The following ACTR1A variants were observed in gnomAD, a reference collection of about 807,000 sequenced individuals.
ACTR1A encodes the protein actin related protein 1A, also known as alpha-centractin.
ACTR1A carries 10 observed loss-of-function variants against 50.7 expected under a neutral mutation model. That is an observed-to-expected ratio of 0.20 (90% CI 0.12 to 0.33). The LOEUF is 0.33. Ranked by LOEUF, ACTR1A falls within the 10% of genes least tolerant of loss-of-function variation. The pLI, the probability that ACTR1A is intolerant of heterozygous loss-of-function variation, is 1.00. For synonymous variants in ACTR1A, 177 were observed against 184.2 expected, an observed-to-expected ratio of 0.96 and a Z score of 0.32; for missense variants, 253 against 491.7, an observed-to-expected ratio of 0.51 and a Z score of 4.59.
intron 1 of ACTR1A, among the ~76,000 whole-genome samples, chr10:102,491,250 G>C (rs2062190285): frequency 6.6e-6 from 1 of 152,180 alleles, no homozygotes; most frequent in African/African-American, 2.4e-5. Flanking sequence ...GTACCTAGAA[G>C]CATCAAAGCA....
rs1458247508 is a variant in ACTR1A, at chr10:102,490,624, A to G, written c.49-11T>C. 1 of 1,604,824 alleles carries G rather than the reference A, an allele frequency of 6.2e-7. No homozygotes were observed. Among genetic ancestry groups the G allele is most frequent in the African/African-American group, 1.3e-5 (1 of 74,784 alleles). The stretch of plus-strand genomic sequence containing the variant: ...AATCACACCGGATCCCTGAGGAAAG[A>G]GGAGAGAGAATGAGGAGTCAGAACT... On this transcript the variant is annotated splice_polypyrimidine_tract_variant and intron_variant, in intron 1 of 10. Coordinates refer to ENST00000369905, the MANE Select transcript of ACTR1A (RefSeq NM_005736.4).
chr10:102,489,159 G>A, intron 2 of ACTR1A, 21 bp from the exon 3 acceptor site: 3 of 1,525,878 alleles, frequency 2.0e-6, no homozygotes, highest in Non-Finnish European at 1.8e-6. Flanking sequence ...CAGTGAGGAG[G>A]ACCATCATTT....
At chr10:102,501,321 C>T (rs1409042800) in intron 1 of ACTR1A, among the ~76,000 whole-genome samples, 1 of 152,146 alleles carries the variant, frequency 6.6e-6, no homozygotes, top group Non-Finnish European at 1.5e-5. Flanking sequence ...GATAGTAATT[C>T]CTATCTACCT....
rs2062179381 is a variant in ACTR1A, at chr10:102,488,568, G to A, written c.190-293C>T. 6.6e-6 allele frequency among the ~76,000 whole-genome samples: 1 copy of A among 152,210 alleles called. No individual in the cohort carries two copies. The highest frequency in any genetic ancestry group is 6.5e-5 in the Admixed American group (1 of 15,280). ...GCAGGAGGCATCTTCCTCATTGCCT[G>A]GTTCCAGGACACAATCTCCTGGCTC... On this transcript the variant is annotated intron_variant, in intron 3 of 10. Coordinates refer to ENST00000369905, the MANE Select transcript of ACTR1A (RefSeq NM_005736.4). This position sits in a 1 kb window ranked among gnomAD's most constrained non-coding sequence, Gnocchi z 4.4.
At chr10:102,481,303 G>T in intron 9 of ACTR1A, 131 bp from the exon 10 acceptor site, 1 of 987,888 alleles carries the variant, frequency 1.0e-6, no homozygotes, top group Non-Finnish European at 1.4e-6. Context: ...TCTCTGGAGG[G>T]CACTGTGGCC....
intron 1 of ACTR1A, among the ~76,000 whole-genome samples, chr10:102,492,060 G>A (rs1342698713): frequency 1.6e-5 from 2 of 123,468 alleles, no homozygotes; most frequent in South Asian, 2.6e-4. Flanking sequence ...TGAGCCCACC[G>A]TGCCCGGCCT....
chr10:102,492,272 TG>T (rs1300212704), intron 1 of ACTR1A, among the ~76,000 whole-genome samples: 1 of 151,716 alleles, frequency 6.6e-6, no homozygotes, highest in African/African-American at 2.4e-5. Flanking sequence ...GGGTTCACCG[TG>T]TTGGTCAGGC....
chr10:102,501,408 CAG>C (rs1397106706), intron 1 of ACTR1A, among the ~76,000 whole-genome samples: 5 of 152,188 alleles, frequency 3.3e-5, no homozygotes, highest in Non-Finnish European at 5.9e-5. Context: ...GGGAATCTGA[CAG>C]AGTCAGCTTA....
chr10:102,492,144 C>CACTGCA (rs1252457757), intron 1 of ACTR1A, among the ~76,000 whole-genome samples: 2 of 142,940 alleles, frequency 1.4e-5, no homozygotes, highest in East Asian at 4.2e-4. Flanking sequence ...AATCTCAGCT[C>CACTGCA]ACTGCAACCT....
Position 102,480,114 on chromosome 10 carries a change from A to C in ACTR1A, c.*749T>G, listed in dbSNP as rs1380299752. The C allele has an allele frequency of 5.6e-5, 9 of 159,806 alleles. No individual in the cohort carries two copies. Among genetic ancestry groups the C allele is most frequent in the Non-Finnish European group, 1.1e-4 (8 of 72,152 alleles). The allele number at this position is 159,806 out of a possible 1,614,324, so 9.9% of individuals were successfully genotyped here. The stretch of plus-strand genomic sequence containing the variant: ...TAAAACGGTTTGAAGATGGCATTGC[A>C]ACAAGAACAGATGGAAAGCGAGGTC... On this transcript the variant is annotated 3_prime_UTR_variant, in exon 11 of 11. Coordinates refer to ENST00000369905, the MANE Select transcript of ACTR1A (RefSeq NM_005736.4).
Position 102,479,719 on chromosome 10 carries a change from A to T in ACTR1A, c.*1144T>A. Reference sequence around the variant, plus strand: ...TCCCCTGGTCAGCTACAGTGGCAAAAGGCAACTTGGTAAATTGCAGCTTTC... The same window carrying T: ...TCCCCTGGTCAGCTACAGTGGCAAATGGCAACTTGGTAAATTGCAGCTTTC... On this transcript the variant is annotated 3_prime_UTR_variant, in exon 11 of 11. Coordinates refer to ENST00000369905, the MANE Select transcript of ACTR1A (RefSeq NM_005736.4). The surrounding 1 kb of genome is among the most constrained non-coding windows in gnomAD (Gnocchi z 4.0). 7.8e-7 allele frequency: 1 copy of T among 1,276,946 alleles called. No individual in the cohort carries two copies. The highest frequency in any genetic ancestry group is 1.5e-5 in the African/African-American group (1 of 65,682). The allele number at this position is 1,276,946 out of a possible 1,614,324, so 79.1% of individuals were successfully genotyped here.
rs763682754 is a variant in ACTR1A, at chr10:102,482,983, G to A, written c.750+28C>T. On this transcript the variant is annotated intron_variant, in intron 7 of 10. Coordinates refer to ENST00000369905, the MANE Select transcript of ACTR1A (RefSeq NM_005736.4). The surrounding 1 kb of genome is among the most constrained non-coding windows in gnomAD (Gnocchi z 5.6). Reference sequence around the variant, plus strand: ...CCCAGAGCTTTTGTGGACCTAAGGGGACCGAAGAAAGAAGGCAGGCCACCT... The same window carrying A: ...CCCAGAGCTTTTGTGGACCTAAGGGAACCGAAGAAAGAAGGCAGGCCACCT... The A allele has an allele frequency of 1.9e-6, 3 of 1,573,754 alleles. No individual in the cohort carries two copies. The highest frequency in any genetic ancestry group is 1.7e-6 in the Non-Finnish European group (2 of 1,143,526).
chr10:102,493,412 G>C (rs1462276889), intron 1 of ACTR1A, among the ~76,000 whole-genome samples: 2 of 152,166 alleles, frequency 1.3e-5, no homozygotes, highest in Non-Finnish European at 2.9e-5. Context: ...TTCAGACCCT[G>C]GATATTTTTA....
At chr10:102,489,205 A>C (rs2062181529) in intron 2 of ACTR1A, 67 bp from the exon 3 acceptor site, 1 of 1,131,990 alleles carries the variant, frequency 8.8e-7, no homozygotes. Context: ...GGATGTATAG[A>C]TGTACATACA....
In ACTR1A at chr10:102,482,681, C is replaced by G. The variant is rs539892662; in HGVS notation, c.750+330G>C. 8 of 334,216 alleles carry G rather than the reference C, an allele frequency of 2.4e-5. No individual in the cohort carries two copies. The highest frequency in any genetic ancestry group is 4.5e-5 in the Non-Finnish European group (8 of 179,436). The allele number at this position is 334,216 out of a possible 1,614,324, so 20.7% of individuals were successfully genotyped here. On this transcript the variant is annotated intron_variant, in intron 7 of 10. Transcript: ENST00000369905. The surrounding 1 kb of genome is among the most constrained non-coding windows in gnomAD (Gnocchi z 5.6). ...GCTGCTCCAGAGAGAGGGTGTAAGGCTGGGGTGTCCAGTCTTTTGGCTTCC... is the reference window on the plus strand; with the variant it reads ...GCTGCTCCAGAGAGAGGGTGTAAGGGTGGGGTGTCCAGTCTTTTGGCTTCC...
chr10:102,485,519 TACTCTGA>T, intron 5 of ACTR1A, 83 bp downstream of exon 5: 1 of 1,550,810 alleles, frequency 6.4e-7, no homozygotes, highest in South Asian at 1.1e-5. Flanking sequence ...GGGCTCAAGT[TACTCTGA>T]ACCATTCCAG....
At position 102,479,790 on chromosome 10, in the gene ACTR1A, G is replaced by A; in HGVS notation, c.*1073C>T. 1 of 810,364 alleles carries A rather than the reference G, an allele frequency of 1.2e-6. No individual in the cohort carries two copies. 50.2% of individuals were successfully genotyped at this position (810,364 alleles called of 1,614,324 possible). A position where few individuals can be genotyped will look rare whatever the true frequency, so the allele number is the denominator to read the frequency against. The stretch of plus-strand genomic sequence containing the variant: ...CTCTCCAACACCCCTCCCTTGCTTA[G>A]GGGCCTCTGCCAAAGAAAAATTTTA... On this transcript the variant is annotated 3_prime_UTR_variant, in exon 11 of 11. Coordinates refer to ENST00000369905, the MANE Select transcript of ACTR1A (RefSeq NM_005736.4). This position sits in a 1 kb window ranked among gnomAD's most constrained non-coding sequence, Gnocchi z 4.0.
Position 102,479,386 on chromosome 10 carries a change from A to G in ACTR1A, c.*1477T>C, listed in dbSNP as rs1008765468. 1.1e-5 allele frequency: 4 copies of G among 369,678 alleles called. No homozygotes were observed. Among genetic ancestry groups the G allele is most frequent in the African/African-American group, 8.5e-5 (4 of 47,058 alleles). The allele number at this position is 369,678 out of a possible 1,614,324, so 22.9% of individuals were successfully genotyped here. On this transcript the variant is annotated 3_prime_UTR_variant, in exon 11 of 11. Coordinates refer to ENST00000369905, the MANE Select transcript of ACTR1A (RefSeq NM_005736.4). This position sits in a 1 kb window ranked among gnomAD's most constrained non-coding sequence, Gnocchi z 4.0. ...GCGGGGCGCTACGTTGCTTTCACAC[A>G]TACCTGCTGCTGTGGCCCACACCTG...
At position 102,492,644 on chromosome 10, in the gene ACTR1A, G is replaced by A. The variant is rs189977646; in HGVS notation, c.49-2031C>T. Reference sequence around the variant, plus strand: ...TTATTCCTGCTCTTCTGCAGGAAGAGGGGGAGTGAGACTGGCCATCTGGTG... The same window carrying A: ...TTATTCCTGCTCTTCTGCAGGAAGAAGGGGAGTGAGACTGGCCATCTGGTG... On this transcript the variant is annotated intron_variant, in intron 1 of 10. Coordinates refer to ENST00000369905, the MANE Select transcript of ACTR1A (RefSeq NM_005736.4). Among the ~76,000 whole-genome samples, 11 of 152,280 alleles carry A rather than the reference G, an allele frequency of 7.2e-5. No individual in the cohort carries two copies. The East Asian group carries it at 2.1e-3, about 29-fold the overall frequency.
Sources: allele counts gnomAD v4.1 joint callset (sites outside exome capture counted in the v4.1 genomes callset), GRCh38; gene constraint gnomAD v4.1.1; non-coding constraint Gnocchi (gnomAD v3.1); transcripts MANE v1.5; gene names NCBI Gene and HGNC (gene_info 2026-07-23, HGNC 2026-07-21).